KIF5C: variants seen among roughly 807,000 people sequenced by gnomAD.
The protein encoded by KIF5C is kinesin heavy chain isoform 5C.
A neutral mutation model predicts 125.2 loss-of-function variants in KIF5C; 18 were observed. The observed-to-expected ratio is 0.14, with a 90% CI of 0.10 to 0.21. KIF5C has a LOEUF of 0.21. Ranked by LOEUF, KIF5C falls within the 10% of genes least tolerant of loss-of-function variation. The pLI, the probability that KIF5C is intolerant of heterozygous loss-of-function variation, is 1.00. For missense variants in KIF5C, 780 were observed against 1,183.8 expected (o/e 0.66, Z 5.01); for synonymous variants, 405 against 434.0 (o/e 0.93, Z 0.83).
chr2:148,888,183 G>C (rs112179525), intron 1 of KIF5C: 13 of 152,240 alleles, frequency 8.5e-5, no homozygotes, highest in African/African-American at 3.1e-4. Context: ...GCCGGCCCCG[G>C]GAAGGTGCTC....
intron 4 of KIF5C, among the ~76,000 whole-genome samples, chr2:148,938,027 A>G (rs995260093): frequency 2.6e-5 from 4 of 152,200 alleles, no homozygotes; most frequent in African/African-American, 9.7e-5. Context: ...TTTTAAACCA[A>G]AACTTGTTAT....
At chr2:149,003,472 T>G (rs1278226837) in intron 21 of KIF5C, among the ~76,000 whole-genome samples, 1 of 152,202 alleles carries the variant, frequency 6.6e-6, no homozygotes, top group African/African-American at 2.4e-5. Flanking sequence ...GGTGCGTTGA[T>G]GAGACTTGTA....
chr2:148,903,385 C>A (rs1345967939), intron 1 of KIF5C, among the ~76,000 whole-genome samples: 1 of 152,198 alleles, frequency 6.6e-6, no homozygotes, highest in African/African-American at 2.4e-5. Flanking sequence ...GCCCTTCTCC[C>A]TCCTTGAAAG....
chr2:148,893,762 G>T (rs1181676545), intron 1 of KIF5C, among the ~76,000 whole-genome samples: 1 of 152,192 alleles, frequency 6.6e-6, no homozygotes, highest in Non-Finnish European at 1.5e-5. Flanking sequence ...ATGAATGAAT[G>T]AATATTTCTT....
At chr2:148,946,422 A>C (rs1558910218) in intron 7 of KIF5C, among the ~76,000 whole-genome samples, 1 of 152,222 alleles carries the variant, frequency 6.6e-6, no homozygotes, top group African/African-American at 2.4e-5. Context: ...TGTATGTCTT[A>C]ATCCTTCCTT....
chr2:148,880,386 G>C (rs1681312323), intron 1 of KIF5C, among the ~76,000 whole-genome samples: 1 of 152,232 alleles, frequency 6.6e-6, no homozygotes, highest in Non-Finnish European at 1.5e-5. Context: ...CTCCCAAAGT[G>C]CTGGGATTAT....
intron 1 of KIF5C, among the ~76,000 whole-genome samples, chr2:148,895,504 C>CT (rs11308529): frequency 5.4e-5 from 8 of 148,764 alleles, no homozygotes; most frequent in East Asian, 2.0e-4. Flanking sequence ...AGATTGTTTA[C>CT]TTTTTTTTTT....
At chr2:148,953,631 G>A (rs1274486928) in intron 10 of KIF5C, among the ~76,000 whole-genome samples, 1 of 152,162 alleles carries the variant, frequency 6.6e-6, no homozygotes, top group East Asian at 1.9e-4. Flanking sequence ...TGCAGAGGTG[G>A]CCAAACCTTA....
At chr2:149,006,451 T>C (rs1459114794) in intron 22 of KIF5C, among the ~76,000 whole-genome samples, 1 of 152,130 alleles carries the variant, frequency 6.6e-6, no homozygotes, top group Non-Finnish European at 1.5e-5. Context: ...ACTTGGGTCT[T>C]CTTGGTTTAT....
intron 1 of KIF5C, among the ~76,000 whole-genome samples, chr2:148,917,068 GGCCTTT>G (rs2105075291): frequency 6.6e-6 from 1 of 152,268 alleles, no homozygotes; most frequent in Admixed American, 6.5e-5. Flanking sequence ...GCCTCTGATT[GGCCTTT>G]GCCCATTTTT....
intron 17 of KIF5C, among the ~76,000 whole-genome samples, chr2:148,995,347 C>T (rs935514647): frequency 1.1e-4 from 16 of 152,332 alleles, no homozygotes; most frequent in African/African-American, 3.4e-4. Flanking sequence ...TTTGAACTGC[C>T]GTGGCTTCCC....
chr2:148,875,500 G>T lies in KIF5C; in HGVS notation c.-118G>T, dbSNP rs907211929. The T allele has an allele frequency of 3.6e-6, 3 of 830,606 alleles. No homozygotes were observed. The highest frequency in any genetic ancestry group is 5.8e-6 in the Non-Finnish European group (3 of 518,940). The allele number at this position is 830,606 out of a possible 1,614,324, so 51.5% of individuals were successfully genotyped here. A position where few individuals can be genotyped will look rare whatever the true frequency, so the allele number is the denominator to read the frequency against. On this transcript the variant is annotated 5_prime_UTR_variant, in exon 1 of 26. Transcript: ENST00000435030. ...TCGCGATGACCTGCTGAGAAGCGTC[G>T]TCGGAGGCTGCAGGAGGCGGCCTAG...
chr2:148,981,579 T>C lies in KIF5C; in HGVS notation c.1569+18T>C. On this transcript the variant is annotated intron_variant, in intron 14 of 25. Coordinates refer to ENST00000435030, the MANE Select transcript of KIF5C (RefSeq NM_004522.3). ...AGAAAACGGTTGGAGCATTTGTGTC[T>C]AGGGGGTGGGACTTCCTTGGCTGCC... 6.4e-7 allele frequency: 1 copy of C among 1,571,382 alleles called. No homozygotes were observed. The highest frequency in any genetic ancestry group is 8.6e-7 in the Non-Finnish European group (1 of 1,158,718).
intron 25 of KIF5C, among the ~76,000 whole-genome samples, chr2:149,018,930 A>T (rs1682451052): frequency 6.6e-6 from 1 of 152,212 alleles, no homozygotes; most frequent in Admixed American, 6.5e-5. Context: ...CAAAATATTT[A>T]GAATACTGCC....
chr2:148,964,571 A>T (rs774000237), intron 11 of KIF5C, among the ~76,000 whole-genome samples: 2 of 152,320 alleles, frequency 1.3e-5, no homozygotes, highest in Middle Eastern at 3.4e-3. Context: ...GCATACCAAG[A>T]AGTGAAAGCA....
chr2:148,908,018 C>A (rs1266783155), intron 1 of KIF5C, among the ~76,000 whole-genome samples: 1 of 152,222 alleles, frequency 6.6e-6, no homozygotes, highest in Non-Finnish European at 1.5e-5. Flanking sequence ...CACTCGGTTG[C>A]TTTTGTCACT....
intron 1 of KIF5C, among the ~76,000 whole-genome samples, chr2:148,907,053 C>CTTTT (rs1681138503): frequency 6.6e-6 from 1 of 152,080 alleles, no homozygotes; most frequent in Admixed American, 6.6e-5. Flanking sequence ...GAGCAAGAAT[C>CTTTT]CTGTCTCTAA....
chr2:148,934,148 A>G (rs1682237168), intron 3 of KIF5C, among the ~76,000 whole-genome samples: 1 of 151,416 alleles, frequency 6.6e-6, no homozygotes, highest in African/African-American at 2.4e-5. Context: ...TCATACACAC[A>G]CAGACATATA....
chr2:148,901,620 A>G (rs1294810676), intron 1 of KIF5C, among the ~76,000 whole-genome samples: 1 of 152,238 alleles, frequency 6.6e-6, no homozygotes, highest in Non-Finnish European at 1.5e-5. Context: ...ATTATTCCCA[A>G]TGACAGGCTA....
Sources: gnomAD v4.1 joint callset for allele counts (sites outside exome capture counted in the v4.1 genomes callset) on GRCh38, gnomAD v4.1.1 for gene constraint, MANE v1.5 for transcripts, NCBI Gene and HGNC (gene_info 2026-07-23, HGNC 2026-07-21) for gene names.